The following SPECC1 variants were observed in gnomAD, a reference collection of about 807,000 sequenced individuals.
SPECC1 encodes the protein cytospin-B.
Under a neutral mutation model 104.1 loss-of-function variants are expected in SPECC1, and 62 were observed. The observed-to-expected ratio is 0.60, with a 90% CI of 0.49 to 0.74. The LOEUF (loss-of-function observed/expected upper bound fraction) is 0.74. SPECC1 is among the 30% of genes least tolerant of loss of function. The pLI is 0.00. For missense variants in SPECC1, 1,306 were observed against 1,310.5 expected (o/e 1.00, Z 0.05); for synonymous variants, 513 against 501.6 (o/e 1.02, Z -0.30).
At chr17:20,283,848 C>G (rs1278292381) in intron 12 of SPECC1, among the ~76,000 whole-genome samples, 2 of 152,144 alleles carry the variant, frequency 1.3e-5, no homozygotes, top group African/African-American at 2.4e-5. Context: ...CTCAACCTCT[C>G]AAAGTGCTAG....
At chr17:20,102,897 G>A (rs2048008887) in intron 2 of SPECC1, among the ~76,000 whole-genome samples, 1 of 152,164 alleles carries the variant, frequency 6.6e-6, no homozygotes, top group African/African-American at 2.4e-5. Flanking sequence ...AATGCATACT[G>A]TGTCAGACAC....
intron 1 of SPECC1, among the ~76,000 whole-genome samples, chr17:20,039,371 T>C (rs1003854670): frequency 1.3e-5 from 2 of 152,198 alleles, no homozygotes; most frequent in African/African-American, 4.8e-5. Flanking sequence ...AGCAGAATGA[T>C]TGATTTGCCT....
chr17:20,106,504 T>C (rs2048204053), intron 2 of SPECC1, among the ~76,000 whole-genome samples: 1 of 152,242 alleles, frequency 6.6e-6, no homozygotes, highest in East Asian at 1.9e-4. Context: ...CAACCAAAAT[T>C]CATGTTGAAT....
intron 3 of SPECC1, among the ~76,000 whole-genome samples, chr17:20,194,044 C>T (rs550795270): frequency 3.9e-5 from 6 of 152,200 alleles, no homozygotes; most frequent in South Asian, 2.1e-4. Flanking sequence ...TCCATTTTTA[C>T]GAAAGACAAA....
At chr17:20,206,391 C>T (rs926524028) in intron 4 of SPECC1, among the ~76,000 whole-genome samples, 28 of 152,170 alleles carry the variant, frequency 1.8e-4, no homozygotes, top group African/African-American at 6.3e-4. Context: ...AATATTACCA[C>T]TATTTTGGTG....
intron 7 of SPECC1, chr17:20,236,917 T>TG: frequency 6.2e-7 from 1 of 1,613,532 alleles, no homozygotes; most frequent in Admixed American, 1.7e-5. Context: ...GCCCAGCTCT[T>TG]GCCATGATTG....
At chr17:20,175,573 GT>G (rs962856407) in intron 3 of SPECC1, among the ~76,000 whole-genome samples, 1 of 152,154 alleles carries the variant, frequency 6.6e-6, no homozygotes, top group African/African-American at 2.4e-5. Context: ...AGTATTGCTA[GT>G]GATCATTATT....
intron 3 of SPECC1, among the ~76,000 whole-genome samples, chr17:20,182,891 G>T (rs1317900376): frequency 1.3e-5 from 2 of 152,180 alleles, no homozygotes; most frequent in Admixed American, 6.5e-5. Flanking sequence ...AAAGACGTTG[G>T]AAGTGTTCTG....
At chr17:20,100,843 G>A (rs1417000636) in intron 2 of SPECC1, among the ~76,000 whole-genome samples, 1 of 152,114 alleles carries the variant, frequency 6.6e-6, no homozygotes, top group Admixed American at 6.5e-5. Flanking sequence ...AGACCCGGGT[G>A]TGTGATGTTC....
chr17:20,270,466 AAC>A (rs2040369544), intron 12 of SPECC1, among the ~76,000 whole-genome samples: 3 of 111,152 alleles, frequency 2.7e-5, no homozygotes, highest in African/African-American at 1.1e-4. Flanking sequence ...AAAAAAAAAA[AAC>A]ATTAGCCGGC....
intron 3 of SPECC1, among the ~76,000 whole-genome samples, chr17:20,146,284 C>G (rs887734839): frequency 6.6e-6 from 1 of 152,198 alleles, no homozygotes; most frequent in Non-Finnish European, 1.5e-5. Flanking sequence ...TGTCAGATAG[C>G]TGGAATGATG....
At chr17:20,040,087 T>C (rs776779818) in intron 1 of SPECC1, among the ~76,000 whole-genome samples, 16 of 152,162 alleles carry the variant, frequency 1.1e-4, no homozygotes, top group Non-Finnish European at 2.2e-4. Context: ...TCAATTTATC[T>C]AAATTGTTTT....
intron 7 of SPECC1, among the ~76,000 whole-genome samples, chr17:20,239,792 A>G (rs1218115530): frequency 6.6e-6 from 1 of 151,734 alleles, no homozygotes; most frequent in Admixed American, 6.6e-5. Flanking sequence ...CATCCTGAGC[A>G]GTAGTGGAGA....
At chr17:20,167,300 A>G (rs2033738299) in intron 3 of SPECC1, among the ~76,000 whole-genome samples, 1 of 151,806 alleles carries the variant, frequency 6.6e-6, no homozygotes, top group African/African-American at 2.4e-5. Flanking sequence ...AAATTAGGAA[A>G]ACAAAATTAC....
At chr17:20,042,894 C>T (rs2045390853) in intron 1 of SPECC1, among the ~76,000 whole-genome samples, 1 of 152,100 alleles carries the variant, frequency 6.6e-6, no homozygotes, top group Non-Finnish European at 1.5e-5. Flanking sequence ...CCTTCCAGAA[C>T]CTTCTTATAT....
intron 1 of SPECC1, among the ~76,000 whole-genome samples, chr17:20,020,691 C>G (rs2044340590): frequency 6.6e-6 from 1 of 152,192 alleles, no homozygotes; most frequent in Admixed American, 6.5e-5. Context: ...TATTCTCATT[C>G]TTAGCCCTTT....
At chr17:20,273,638 T>C (rs900795678) in intron 12 of SPECC1, among the ~76,000 whole-genome samples, 1 of 152,112 alleles carries the variant, frequency 6.6e-6, no homozygotes, top group Non-Finnish European at 1.5e-5. Flanking sequence ...TATAAACAGA[T>C]CTCCAACCCA....
chr17:20,192,259 G>A (rs186044373), intron 3 of SPECC1, among the ~76,000 whole-genome samples: 1 of 152,166 alleles, frequency 6.6e-6, no homozygotes, highest in Non-Finnish European at 1.5e-5. Context: ...ACAGGTGTGA[G>A]CCATTACACC....
At chr17:20,099,830 TG>T (rs1165240487) in intron 2 of SPECC1, among the ~76,000 whole-genome samples, 2 of 152,062 alleles carry the variant, frequency 1.3e-5, no homozygotes, top group Non-Finnish European at 2.9e-5. Flanking sequence ...TTTGGAAACT[TG>T]TTCCAAAGAG....
Sources: allele counts gnomAD v4.1 joint callset (sites outside exome capture counted in the v4.1 genomes callset), GRCh38; gene constraint gnomAD v4.1.1; transcripts MANE v1.5; gene names NCBI Gene and HGNC (gene_info 2026-07-23, HGNC 2026-07-21).